PARM1: variants seen among roughly 807,000 people sequenced by gnomAD.
PARM1 encodes the protein WSC4, cell wall integrity and stress response component 4 homolog.
PARM1 carries 14 observed loss-of-function variants against 24.6 expected under a neutral mutation model. That is an observed-to-expected ratio of 0.57 (90% CI 0.38 to 0.89). PARM1 has a LOEUF of 0.89. Ranked by LOEUF, PARM1 falls within the 40% of genes least tolerant of loss-of-function variation. The pLI is 0.00. For missense variants in PARM1, 362 were observed against 380.4 expected, an observed-to-expected ratio of 0.95 and a Z score of 0.40; for synonymous variants, 179 against 156.6, an observed-to-expected ratio of 1.14 and a Z score of -1.07.
chr4:75,021,775 G>T (rs926414687), intron 2 of PARM1, among the ~76,000 whole-genome samples: 1 of 152,110 alleles, frequency 6.6e-6, no homozygotes, highest in African/African-American at 2.4e-5. Context: ...CCATGTTGCC[G>T]CAAAGGGCAG....
chr4:74,954,944 T>C (rs1307512384), intron 1 of PARM1, among the ~76,000 whole-genome samples: 2 of 152,198 alleles, frequency 1.3e-5, no homozygotes, highest in Non-Finnish European at 2.9e-5. Context: ...GATTAACAGA[T>C]CATAATTCAC....
At chr4:75,024,160 T>A (rs972721033) in intron 2 of PARM1, among the ~76,000 whole-genome samples, 1 of 151,792 alleles carries the variant, frequency 6.6e-6, no homozygotes, top group Non-Finnish European at 1.5e-5. Flanking sequence ...TAGTCCCAGC[T>A]ACTCCGGAGG....
chr4:75,003,321 G>GAA (rs879669555), intron 1 of PARM1, among the ~76,000 whole-genome samples: 2 of 117,646 alleles, frequency 1.7e-5, no homozygotes, highest in South Asian at 2.7e-4. Context: ...TGCATCTAAG[G>GAA]AAAAAAAAAA....
At chr4:75,038,925 CTG>C (rs1723421222) in intron 3 of PARM1, among the ~76,000 whole-genome samples, 1 of 152,194 alleles carries the variant, frequency 6.6e-6, no homozygotes, top group Non-Finnish European at 1.5e-5. Flanking sequence ...ACTACATGGG[CTG>C]TTTTCTTCAC....
chr4:75,012,504 C>T lies in PARM1; in HGVS notation c.123C>T (p.Ile41=). The T allele has an allele frequency of 6.2e-7, 1 of 1,614,010 alleles. No individual in the cohort carries two copies. Among genetic ancestry groups the T allele is most frequent in the Non-Finnish European group, 8.5e-7 (1 of 1,179,892 alleles). ...LPTNIVPPTT[I]WTSSPQNTDA... is the part of the protein sequence containing the mutation. ...CAAACATTGTACCACCGACCACCAT[C>T]TGGACTAGCTCTCCACAAAACACTG... The change falls in exon 2 of 4, where the codon ATC becomes ATT. Residue 41 remains isoleucine, a synonymous_variant. Coordinates refer to ENST00000307428, the MANE Select transcript of PARM1 (RefSeq NM_015393.4).
intron 1 of PARM1, among the ~76,000 whole-genome samples, chr4:75,003,242 C>T (rs1722713710): frequency 6.6e-6 from 1 of 151,580 alleles, no homozygotes. Flanking sequence ...CGGCTTCCTT[C>T]TGGTGTGACC....
At chr4:74,957,977 A>T (rs1490977243) in intron 1 of PARM1, among the ~76,000 whole-genome samples, 1 of 152,180 alleles carries the variant, frequency 6.6e-6, no homozygotes, top group African/African-American at 2.4e-5. Context: ...GAGAATTGGT[A>T]GGGAATGGCA....
chr4:75,012,916 T>G lies in PARM1; in HGVS notation c.535T>G (p.Ser179Ala). 6.2e-7 allele frequency: 1 copy of G among 1,613,732 alleles called. No homozygotes were observed. Among genetic ancestry groups the G allele is most frequent in the Middle Eastern group, 1.6e-4 (1 of 6,062 alleles). The change falls in exon 2 of 4, where the codon TCC (serine) becomes GCC (alanine). Residue 179 changes from serine to alanine, a missense_variant. Transcript: ENST00000307428. ...TGCCTCCGTTACTACCAACCATAGC[T>G]CCACTGTGACCAGCACCCAACCCAC... is the stretch of plus-strand genomic sequence containing the variant. The part of the protein sequence containing the change: ...FSASVTTNHS[S>A]TVTSTQPTGA...
intron 1 of PARM1, among the ~76,000 whole-genome samples, chr4:75,009,698 G>A (rs1242600102): frequency 6.6e-6 from 1 of 152,158 alleles, no homozygotes; most frequent in Admixed American, 6.5e-5. Context: ...GAGTATTCAT[G>A]AATAAGGTTC....
chr4:74,947,405 A>C (rs1488769251), intron 1 of PARM1, among the ~76,000 whole-genome samples: 1 of 152,216 alleles, frequency 6.6e-6, no homozygotes, highest in Non-Finnish European at 1.5e-5. Context: ...GGTAGGAGGA[A>C]TTTATAAACT....
At chr4:74,981,477 G>A (rs188626027) in intron 1 of PARM1, among the ~76,000 whole-genome samples, 167 of 152,246 alleles carry the variant, frequency 1.1e-3, no homozygotes, top group African/African-American at 3.5e-3. Flanking sequence ...GTCAAGAAAC[G>A]ACAGATGCTG....
At chr4:75,009,416 G>A (rs952566279) in intron 1 of PARM1, among the ~76,000 whole-genome samples, 5 of 152,138 alleles carry the variant, frequency 3.3e-5, no homozygotes, top group African/African-American at 7.2e-5. Context: ...TCTAGGCCAT[G>A]TTCTATTCCT....
rs530573724 is a variant in PARM1 at position 75,005,545 on chromosome 4, A to T, written c.44-6880A>T. Among the ~76,000 whole-genome samples the T allele has an allele frequency of 2.0e-5, 3 of 152,096 alleles. No individual in the cohort carries two copies. The South Asian group carries it at 6.2e-4, about 32-fold the overall frequency. ...AGACTCTCTACGCTACAATGCCTCT[A>T]CCTCCTCTCAGCACCATAAGAACTC... On this transcript the variant is annotated intron_variant, in intron 1 of 3. Transcript: ENST00000307428.
intron 3 of PARM1, among the ~76,000 whole-genome samples, chr4:75,043,976 C>G (rs1457403953): frequency 6.6e-6 from 1 of 151,472 alleles, no homozygotes; most frequent in Non-Finnish European, 1.5e-5. Flanking sequence ...CTGAATCAGC[C>G]TTCAGGACAT....
rs1019461753 is a variant in PARM1 at position 74,933,746 on chromosome 4, C to T, written c.43+376C>T. On this transcript the variant is annotated intron_variant, in intron 1 of 3. Transcript: ENST00000307428. ...AGTACGGGACCAGACTTCTTGTTGC[C>T]GTTGGGCCCTGGAAGGGATGAAAAA... Among the ~76,000 whole-genome samples the T allele has an allele frequency of 4.6e-5, 7 of 152,110 alleles. No homozygotes were observed. In the South Asian group the frequency reaches 8.3e-4, roughly 18 times the overall value.
At chr4:74,979,713 C>T (rs1016937561) in intron 1 of PARM1, among the ~76,000 whole-genome samples, 2 of 152,082 alleles carry the variant, frequency 1.3e-5, no homozygotes, top group Admixed American at 1.3e-4. Context: ...TGCAAAAATC[C>T]TCAATAAAAT....
At chr4:74,978,879 A>G (rs1179921426) in intron 1 of PARM1, among the ~76,000 whole-genome samples, 3 of 152,236 alleles carry the variant, frequency 2.0e-5, no homozygotes, top group Non-Finnish European at 4.4e-5. Context: ...TAATAAAATT[A>G]AGGCAGAAAT....
At chr4:74,991,961 G>A (rs1722486617) in intron 1 of PARM1, among the ~76,000 whole-genome samples, 1 of 152,138 alleles carries the variant, frequency 6.6e-6, no homozygotes, top group African/African-American at 2.4e-5. Context: ...CCTGCTCCTT[G>A]TGTTCAATTA....
chr4:75,008,207 C>A (rs1010248148), intron 1 of PARM1, among the ~76,000 whole-genome samples: 1 of 152,188 alleles, frequency 6.6e-6, no homozygotes, highest in Non-Finnish European at 1.5e-5. Context: ...CCAACATTGT[C>A]ATACAATTTC....
Sources: allele counts gnomAD v4.1 joint callset (sites outside exome capture counted in the v4.1 genomes callset), GRCh38; gene constraint gnomAD v4.1.1; transcripts MANE v1.5; gene names NCBI Gene and HGNC (gene_info 2026-07-23, HGNC 2026-07-21).